PAX5: variants seen among roughly 807,000 people sequenced by gnomAD.
PAX5 encodes paired box protein Pax-5.
A neutral mutation model predicts 43.7 loss-of-function variants in PAX5; 9 were observed. The observed-to-expected ratio is 0.21, with a 90% CI of 0.12 to 0.36. The LOEUF is 0.36. Among genes scored for constraint, PAX5 ranks in the 10% least tolerant of loss-of-function variants. The pLI, the probability that PAX5 is intolerant of heterozygous loss-of-function variation, is 1.00. For synonymous variants in PAX5, 228 were observed against 214.3 expected (o/e 1.06, Z -0.56); for missense variants, 383 against 532.7 (o/e 0.72, Z 2.77).
intron 6 of PAX5, among the ~76,000 whole-genome samples, chr9:36,951,792 A>G (rs905594039): frequency 3.9e-5 from 6 of 152,226 alleles, no homozygotes; most frequent in Non-Finnish European, 7.4e-5. Context: ...TGGATCCACT[A>G]AGTATTCTAA....
At chr9:36,945,723 C>T (rs938302254) in intron 6 of PAX5, among the ~76,000 whole-genome samples, 2 of 152,240 alleles carry the variant, frequency 1.3e-5, no homozygotes, top group Non-Finnish European at 2.9e-5. Flanking sequence ...GTTTGGGCCA[C>T]TCTTTGAATG....
intron 4 of PAX5, among the ~76,000 whole-genome samples, chr9:37,005,349 G>T (rs144876905): frequency 2.6e-5 from 4 of 152,194 alleles, no homozygotes; most frequent in South Asian, 2.1e-4. Flanking sequence ...GGTCTGCACC[G>T]CAGGGACTTA....
intron 8 of PAX5, among the ~76,000 whole-genome samples, chr9:36,865,866 T>A (rs1235136954): frequency 1.3e-5 from 2 of 152,240 alleles, no homozygotes; most frequent in Non-Finnish European, 2.9e-5. Context: ...CTCCTAGCAG[T>A]GAAGCGTGGG....
chr9:36,974,135 G>A (rs1037170052), intron 5 of PAX5, among the ~76,000 whole-genome samples: 9 of 152,120 alleles, frequency 5.9e-5, no homozygotes, highest in Non-Finnish European at 1.2e-4. Context: ...AGCTACAATG[G>A]TGCCACTGCA....
chr9:36,909,635 G>C (rs1702451278), intron 7 of PAX5, among the ~76,000 whole-genome samples: 1 of 152,072 alleles, frequency 6.6e-6, no homozygotes, highest in South Asian at 2.1e-4. Context: ...ATGCCCACAG[G>C]GGCCAGCAGG....
intron 7 of PAX5, among the ~76,000 whole-genome samples, chr9:36,900,759 C>T (rs914247380): frequency 3.9e-5 from 6 of 152,196 alleles, no homozygotes; most frequent in Non-Finnish European, 5.9e-5. Flanking sequence ...CTCACATCCT[C>T]CCACCACCTG....
At chr9:36,910,611 G>A (rs1443138276) in intron 7 of PAX5, among the ~76,000 whole-genome samples, 2 of 152,222 alleles carry the variant, frequency 1.3e-5, no homozygotes, top group African/African-American at 2.4e-5. Context: ...TGGTCTATGA[G>A]TTCAAAGCAT....
chr9:37,018,570 C>CAAAAAAAAAAAAAA lies in PAX5; in HGVS notation c.212+2052_212+2065dup, dbSNP rs1222049885. On this transcript the variant is annotated intron_variant, in intron 2 of 9. Transcript: ENST00000358127. Reference sequence around the variant, plus strand: ...TGTGCCCATCAAATTCTTCAGTGACCAAAAAAAAAAAAAAAAAATCTGTGG... The same window carrying CAAAAAAAAAAAAAA: ...TGTGCCCATCAAATTCTTCAGTGACCAAAAAAAAAAAAAAAAAAAAAAAAAAAAAAAATCTGTGG... 2.7e-4 allele frequency among the ~76,000 whole-genome samples: 19 copies of CAAAAAAAAAAAAAA among 70,988 alleles called. 1 individual carries two copies. Among genetic ancestry groups the CAAAAAAAAAAAAAA allele is most frequent in the South Asian group, 1.0e-3 (2 of 1,924 alleles). The allele number at this position is 70,988 out of a possible 152,430, so 46.6% of individuals were successfully genotyped here.
At chr9:36,924,379 A>G (rs1563972649) in intron 6 of PAX5, among the ~76,000 whole-genome samples, 1 of 152,214 alleles carries the variant, frequency 6.6e-6, no homozygotes, top group Admixed American at 6.5e-5. Flanking sequence ...AGCATGAGTG[A>G]CAAGTCTCTT....
chr9:36,847,910 G>T (rs1457632837), intron 8 of PAX5, among the ~76,000 whole-genome samples: 1 of 152,170 alleles, frequency 6.6e-6, no homozygotes, highest in African/African-American at 2.4e-5. Context: ...TTCCCCCATG[G>T]CTATAGGGGA....
At chr9:36,869,830 A>AGATG (rs1356329504) in intron 8 of PAX5, among the ~76,000 whole-genome samples, 1 of 141,578 alleles carries the variant, frequency 7.1e-6, no homozygotes, top group African/African-American at 2.6e-5. Flanking sequence ...ATGGATGAAT[A>AGATG]GATGGATGGA....
intron 9 of PAX5, among the ~76,000 whole-genome samples, chr9:36,841,991 C>T (rs1056779394): frequency 6.6e-6 from 1 of 152,144 alleles, no homozygotes; most frequent in African/African-American, 2.4e-5. Context: ...GATGCACCAC[C>T]TCTCCTCCTC....
Position 36,928,104 on chromosome 9 carries a change from C to G in PAX5, c.781-4620G>C, listed in dbSNP as rs74349584. On this transcript the variant is annotated intron_variant, in intron 6 of 9. Transcript: ENST00000358127. The stretch of plus-strand genomic sequence containing the variant: ...TCCCTCAGTTCTTACTCTGCTCCTG[C>G]ATGAGCCAGGGGAAGCTGTCATTTA... Among the ~76,000 whole-genome samples, 7,865 of 152,326 alleles carry G rather than the reference C, an allele frequency of 0.052. 610 individuals are homozygous for G. The highest frequency in any genetic ancestry group is 0.17 in the African/African-American group (6,983 of 41,558).
intron 1 of PAX5, among the ~76,000 whole-genome samples, chr9:37,033,551 A>G (rs1301506906): frequency 6.6e-6 from 1 of 152,166 alleles, no homozygotes; most frequent in East Asian, 1.9e-4. Context: ...AAGAATATAC[A>G]CAAGTACTAA....
intron 7 of PAX5, among the ~76,000 whole-genome samples, chr9:36,897,041 G>T (rs1827930794): frequency 6.6e-6 from 1 of 152,220 alleles, no homozygotes; most frequent in Non-Finnish European, 1.5e-5. Flanking sequence ...AGTGTGTAGG[G>T]TTCCTTCAGG....
chr9:36,882,875 G>A lies in PAX5; in HGVS notation c.911-770C>T, dbSNP rs1826568302. 6.6e-6 allele frequency among the ~76,000 whole-genome samples: 1 copy of A among 152,232 alleles called. No homozygotes were observed. The highest frequency in any genetic ancestry group is 2.1e-4 in the South Asian group (1 of 4,830). On this transcript the variant is annotated intron_variant, in intron 7 of 9. Coordinates refer to ENST00000358127, the MANE Select transcript of PAX5 (RefSeq NM_016734.3). This position sits in a 1 kb window ranked among gnomAD's most constrained non-coding sequence, Gnocchi z 4.4. Reference sequence around the variant, plus strand: ...GTCCAGAGTGTCCATGTGTCTCTCAGCTGGGACACTGTCACCATCACTGAT... The same window carrying A: ...GTCCAGAGTGTCCATGTGTCTCTCAACTGGGACACTGTCACCATCACTGAT...
At position 36,839,991 on chromosome 9, in the gene PAX5, G is replaced by A. The variant is rs1293673881; in HGVS notation, c.*569C>T. ...GGATGAGCAGGAGGCTGGGGCCCAAGGGCAGCATCCTCCATCTTGAGGACA... is the reference window on the plus strand; with the variant it reads ...GGATGAGCAGGAGGCTGGGGCCCAAAGGCAGCATCCTCCATCTTGAGGACA... On this transcript the variant is annotated 3_prime_UTR_variant, in exon 10 of 10. Transcript: ENST00000358127. 1.3e-5 allele frequency: 3 copies of A among 238,696 alleles called. No individual in the cohort carries two copies. Among genetic ancestry groups the A allele is most frequent in the African/African-American group, 4.4e-5 (2 of 45,346 alleles). The allele number at this position is 238,696 out of a possible 1,614,324, so 14.8% of individuals were successfully genotyped here. A position where few individuals can be genotyped will look rare whatever the true frequency, so the allele number is the denominator to read the frequency against.
intron 7 of PAX5, among the ~76,000 whole-genome samples, chr9:36,907,764 CAT>C: frequency 6.6e-6 from 1 of 152,278 alleles, no homozygotes; most frequent in South Asian, 2.1e-4. Context: ...TACATCCTGA[CAT>C]GTTTCTTTAT....
intron 5 of PAX5, among the ~76,000 whole-genome samples, chr9:37,000,081 C>T (rs892238228): frequency 3.9e-5 from 6 of 152,158 alleles, no homozygotes; most frequent in Admixed American, 2.6e-4. Flanking sequence ...CATCCCCTCC[C>T]CTAGTAAAAC....
Sources: allele counts gnomAD v4.1 joint callset (sites outside exome capture counted in the v4.1 genomes callset), GRCh38; gene constraint gnomAD v4.1.1; non-coding constraint Gnocchi (gnomAD v3.1); transcripts MANE v1.5; gene names NCBI Gene and HGNC (gene_info 2026-07-23, HGNC 2026-07-21).